PDIA5: variants seen among roughly 807,000 people sequenced by gnomAD.
PDIA5 encodes the protein protein disulfide isomerase family A member 5.
In PDIA5, 58 loss-of-function variants were observed where a neutral mutation model predicts 77.6. That is an observed-to-expected ratio of 0.75 (90% CI 0.61 to 0.93). PDIA5 has a LOEUF of 0.93. Ranked by LOEUF, PDIA5 falls within the 40% of genes least tolerant of loss-of-function variation. The pLI is 0.00. For missense variants in PDIA5, 630 were observed against 647.7 expected (o/e 0.97, Z 0.30); for synonymous variants, 250 against 252.1 (o/e 0.99, Z 0.08).
chr3:123,086,036 GC>G (rs1934129369), intron 1 of PDIA5, among the ~76,000 whole-genome samples: 1 of 152,172 alleles, frequency 6.6e-6, no homozygotes, highest in African/African-American at 2.4e-5. Flanking sequence ...ATTTTACCCT[GC>G]TCTGCAGGGT....
intron 14 of PDIA5, among the ~76,000 whole-genome samples, chr3:123,151,863 TCCTTCCTGCCCG>T (rs1287985404): frequency 4.6e-5 from 6 of 131,310 alleles, no homozygotes; most frequent in African/African-American, 1.8e-4. Context: ...CTGCCCTCCT[TCCTTCCTGCCCG>T]CCTTCCTGCC....
chr3:123,088,427 A>G (rs1934196374), intron 1 of PDIA5, among the ~76,000 whole-genome samples: 1 of 152,034 alleles, frequency 6.6e-6, no homozygotes, highest in South Asian at 2.1e-4. Context: ...ATCCATTCCC[A>G]TCCTAAGCAT....
chr3:123,124,267 C>T lies in PDIA5; in HGVS notation c.702-5C>T, dbSNP rs1935190508. ...GAGCCCACGTTGTTTCTCCACGTTT[C>T]ACAGGAAAGGACGGTTCTTGTTCCA... On this transcript the variant is annotated splice_region_variant and splice_polypyrimidine_tract_variant and intron_variant, in intron 9 of 16. Transcript: ENST00000316218. The T allele has an allele frequency of 6.2e-7, 1 of 1,611,104 alleles. No homozygotes were observed. Among genetic ancestry groups the T allele is most frequent in the Non-Finnish European group, 8.5e-7 (1 of 1,177,154 alleles).
rs763442292 is a variant in PDIA5, at chr3:123,162,002, T to C, written c.*42T>C. 9 of 1,135,238 alleles carry C rather than the reference T, an allele frequency of 7.9e-6. No individual in the cohort carries two copies. Among genetic ancestry groups the C allele is most frequent in the South Asian group, 6.5e-5 (5 of 77,272 alleles). The allele number at this position is 1,135,238 out of a possible 1,614,324, so 70.3% of individuals were successfully genotyped here. On this transcript the variant is annotated 3_prime_UTR_variant, in exon 17 of 17. Transcript: ENST00000316218. ...AGCTTTTCCATTACACTGTGAATGA[T>C]ACCTGTTTTGTTGTTTCTGAATTTC...
At chr3:123,134,207 A>G (rs1935437724) in intron 11 of PDIA5, among the ~76,000 whole-genome samples, 1 of 152,184 alleles carries the variant, frequency 6.6e-6, no homozygotes, top group East Asian at 1.9e-4. Flanking sequence ...AATTTTTTGT[A>G]AAGACGGGGT....
At chr3:123,141,936 C>T (rs1199329074) in intron 11 of PDIA5, among the ~76,000 whole-genome samples, 2 of 152,176 alleles carry the variant, frequency 1.3e-5, no homozygotes, top group African/African-American at 4.8e-5. Context: ...GGCTTGGAGT[C>T]CGGTGGTCTC....
chr3:123,155,990 A>C (rs1454301747), intron 15 of PDIA5, among the ~76,000 whole-genome samples: 1 of 151,946 alleles, frequency 6.6e-6, no homozygotes, highest in Admixed American at 6.6e-5. Context: ...GTATTAGTGG[A>C]GCAGCCCTCA....
At chr3:123,139,074 A>T (rs1198763474) in intron 11 of PDIA5, among the ~76,000 whole-genome samples, 1 of 152,222 alleles carries the variant, frequency 6.6e-6, no homozygotes, top group Non-Finnish European at 1.5e-5. Flanking sequence ...CAAGGAGTTG[A>T]TGTGCAGACC....
At chr3:123,124,387 C>G (rs763808254) in intron 10 of PDIA5, 44 bp downstream of exon 10, 1 of 1,427,440 alleles carries the variant, frequency 7.0e-7, no homozygotes, top group South Asian at 1.1e-5. Context: ...ACCCAGAGGG[C>G]GGGGCATCTG....
At chr3:123,111,449 G>A (rs1358292118) in intron 7 of PDIA5, among the ~76,000 whole-genome samples, 2 of 152,246 alleles carry the variant, frequency 1.3e-5, no homozygotes, top group Non-Finnish European at 2.9e-5. Context: ...GGCATCCTCT[G>A]CAGGTGCCAC....
At chr3:123,116,883 A>T (rs922153464) in intron 8 of PDIA5, among the ~76,000 whole-genome samples, 6 of 151,062 alleles carry the variant, frequency 4.0e-5, no homozygotes, top group African/African-American at 1.5e-4. Flanking sequence ...GATAGGCAGA[A>T]TGGAGACACA....
At chr3:123,155,822 G>A (rs1350827519) in intron 15 of PDIA5, among the ~76,000 whole-genome samples, 4 of 152,148 alleles carry the variant, frequency 2.6e-5, no homozygotes, top group African/African-American at 7.2e-5. Flanking sequence ...CCAGAGTCAC[G>A]TGCAGGGGTG....
intron 8 of PDIA5, among the ~76,000 whole-genome samples, chr3:123,119,765 C>T (rs138505591): frequency 4.7e-4 from 71 of 152,338 alleles, no homozygotes; most frequent in Non-Finnish European, 7.9e-4. Flanking sequence ...CTCCTCGCTG[C>T]TGAAACACAG....
chr3:123,077,728 T>A (rs1933891645), intron 1 of PDIA5, among the ~76,000 whole-genome samples: 1 of 152,128 alleles, frequency 6.6e-6, no homozygotes, highest in African/African-American at 2.4e-5. Flanking sequence ...TGAAGAGTGG[T>A]GTTTAGCTAT....
At chr3:123,116,691 T>C (rs1935003830) in intron 8 of PDIA5, among the ~76,000 whole-genome samples, 2 of 152,082 alleles carry the variant, frequency 1.3e-5, no homozygotes, top group Admixed American at 1.3e-4. Flanking sequence ...TGTGATGACC[T>C]TAGGGGTGGA....
At chr3:123,067,716 C>T (rs1349314065) in intron 1 of PDIA5, 3 of 153,410 alleles carry the variant, frequency 2.0e-5, no homozygotes, top group African/African-American at 7.2e-5. Context: ...AGGCCAGGCT[C>T]GGTGGGCTGG....
chr3:123,079,997 G>A (rs1270024103), intron 1 of PDIA5, among the ~76,000 whole-genome samples: 1 of 152,214 alleles, frequency 6.6e-6, no homozygotes, highest in Non-Finnish European at 1.5e-5. Context: ...GTCTGAAACA[G>A]AGCATTGGGA....
At chr3:123,104,776 G>A (rs2107935443) in intron 5 of PDIA5, among the ~76,000 whole-genome samples, 2 of 152,294 alleles carry the variant, frequency 1.3e-5, no homozygotes, top group Non-Finnish European at 2.9e-5. Flanking sequence ...CAGTAGCTGT[G>A]AGCCAGGATT....
intron 3 of PDIA5, among the ~76,000 whole-genome samples, chr3:123,096,629 T>TG (rs1355848900): frequency 6.6e-6 from 1 of 152,220 alleles, no homozygotes; most frequent in African/African-American, 2.4e-5. Context: ...AACACTTCTC[T>TG]GCTGGTTTTC....
Sources: gnomAD v4.1 joint callset for allele counts (sites outside exome capture counted in the v4.1 genomes callset) on GRCh38, gnomAD v4.1.1 for gene constraint, MANE v1.5 for transcripts, NCBI Gene and HGNC (gene_info 2026-07-23, HGNC 2026-07-21) for gene names.